The following ANKRD55 variants were observed in gnomAD, a reference collection of about 807,000 sequenced individuals.
ANKRD55 encodes ankyrin repeat domain-containing protein 55.
ANKRD55 carries 41 observed loss-of-function variants against 60.6 expected under a neutral mutation model. The ratio of observed to expected loss-of-function variants is 0.68; its 90% CI spans 0.53 to 0.88. The LOEUF is 0.88. Ranked by LOEUF, ANKRD55 falls within the 40% of genes least tolerant of loss-of-function variation. The pLI is 0.00. For missense variants in ANKRD55, 732 were observed against 767.6 expected (o/e 0.95, Z 0.55); for synonymous variants, 264 against 290.3 (o/e 0.91, Z 0.92).
rs150862469 is a variant in ANKRD55, at chr5:56,182,472, C to G, written c.181+1040G>C. On this transcript the variant is annotated intron_variant, in intron 3 of 11. Coordinates refer to ENST00000341048, the MANE Select transcript of ANKRD55 (RefSeq NM_024669.3). ...TCTTTTATTTCTTTGCTGAGACTTT[C>G]TATTTTTTTCTTTAGTTTTAAGCAT... Among the ~76,000 whole-genome samples, 640 of 152,130 alleles carry G rather than the reference C, an allele frequency of 4.2e-3. 20 individuals carry two copies. The highest frequency in any genetic ancestry group is 0.036 in the Admixed American group (549 of 15,278).
At chr5:56,176,683 A>C (rs540087550) in intron 3 of ANKRD55, among the ~76,000 whole-genome samples, 1 of 152,296 alleles carries the variant, frequency 6.6e-6, no homozygotes, top group South Asian at 2.1e-4. Flanking sequence ...AGGGGGTGGC[A>C]GGTGTTAAGG....
intron 2 of ANKRD55, among the ~76,000 whole-genome samples, chr5:56,227,927 T>A (rs1408124002): frequency 6.6e-6 from 1 of 152,040 alleles, no homozygotes; most frequent in Non-Finnish European, 1.5e-5. Context: ...CTGCACAGAG[T>A]CTGCACCAAA....
chr5:56,193,520 A>T, intron 2 of ANKRD55: 1 of 438,804 alleles, frequency 2.3e-6, no homozygotes. Flanking sequence ...CTCGTTTATC[A>T]TCTTCATCCA....
chr5:56,137,290 T>C lies in ANKRD55; in HGVS notation c.612+6511A>G, dbSNP rs149318994. 3.5e-5 allele frequency: 55 copies of C among 1,578,948 alleles called. No individual in the cohort carries two copies. In the African/African-American group the frequency reaches 4.1e-4, roughly 12 times the overall value. On this transcript the variant is annotated intron_variant, in intron 7 of 11. Coordinates refer to ENST00000341048, the MANE Select transcript of ANKRD55 (RefSeq NM_024669.3). ...AATGCAGAGAGTAATGCTGAACTTA[T>C]GGGTTTCGATGTAGATTATCTGGTC...
chr5:56,166,625 C>G (rs984919603), intron 5 of ANKRD55, among the ~76,000 whole-genome samples: 9 of 151,414 alleles, frequency 5.9e-5, no homozygotes, highest in African/African-American at 1.9e-4. Flanking sequence ...AGTGAAGAAA[C>G]AAGACAAAGA....
chr5:56,167,089 G>A (rs1301113062), intron 5 of ANKRD55, among the ~76,000 whole-genome samples: 1 of 152,174 alleles, frequency 6.6e-6, no homozygotes, highest in Non-Finnish European at 1.5e-5. Context: ...ATCCTTTAGG[G>A]TGGACTAGTT....
At chr5:56,232,643 C>T (rs1454184282) in intron 2 of ANKRD55, among the ~76,000 whole-genome samples, 2 of 152,002 alleles carry the variant, frequency 1.3e-5, no homozygotes, top group East Asian at 1.9e-4. Flanking sequence ...GTTTCAGATG[C>T]TTATCAAACT....
intron 8 of ANKRD55, among the ~76,000 whole-genome samples, chr5:56,121,913 G>C (rs1274101393): frequency 6.6e-6 from 1 of 152,152 alleles, no homozygotes; most frequent in African/African-American, 2.4e-5. Context: ...CATTTAAAGA[G>C]CACCTACTGT....
chr5:56,204,703 G>A (rs904401828), intron 2 of ANKRD55, among the ~76,000 whole-genome samples: 2 of 152,072 alleles, frequency 1.3e-5, no homozygotes, highest in Non-Finnish European at 2.9e-5. Context: ...TAGTTTTTTT[G>A]TAGCAGCATG....
intron 2 of ANKRD55, among the ~76,000 whole-genome samples, chr5:56,200,396 C>A (rs1435544573): frequency 2.0e-5 from 3 of 151,700 alleles, no homozygotes; most frequent in Non-Finnish European, 2.9e-5. Flanking sequence ...GCCTTAAGAT[C>A]ATTTCTTTCC....
chr5:56,144,009 G>A (rs1757837444), intron 6 of ANKRD55, 80 bp from the exon 7 acceptor site: 1 of 1,580,822 alleles, frequency 6.3e-7, no homozygotes, highest in African/African-American at 1.4e-5. Flanking sequence ...TTCTCCTCAG[G>A]CCTGGGGGCC....
At chr5:56,182,011 T>G (rs1466938522) in intron 3 of ANKRD55, among the ~76,000 whole-genome samples, 3 of 152,242 alleles carry the variant, frequency 2.0e-5, no homozygotes, top group Non-Finnish European at 4.4e-5. Flanking sequence ...TCTTTGGTTT[T>G]GATAGTGAAG....
chr5:56,107,961 C>A (rs1056899806), intron 10 of ANKRD55, among the ~76,000 whole-genome samples: 23 of 152,060 alleles, frequency 1.5e-4, no homozygotes, highest in African/African-American at 4.6e-4. Flanking sequence ...CCTCTGCCTC[C>A]CAGGCTCAAG....
At chr5:56,159,312 T>C (rs1758267329) in intron 6 of ANKRD55, among the ~76,000 whole-genome samples, 1 of 152,156 alleles carries the variant, frequency 6.6e-6, no homozygotes, top group African/African-American at 2.4e-5. Context: ...AAGTACAAAA[T>C]TAGCCGGGTG....
At position 56,111,254 on chromosome 5, in the gene ANKRD55, A is replaced by G; in HGVS notation, c.1494T>C (p.Ser498=). The G allele has an allele frequency of 6.2e-7, 1 of 1,613,866 alleles. No individual in the cohort carries two copies. The highest frequency in any genetic ancestry group is 8.5e-7 in the Non-Finnish European group (1 of 1,179,682). The change falls in exon 10 of 12, where the codon TCT becomes TCC. Residue 498 remains serine (S), a synonymous_variant. Transcript: ENST00000341048. ...MLLDNPWKSD[S]NQVFSYKVWT... ...AAACTTTGTAGGAAAATACCTGATT[A>G]GAATCACTCTTCCAGGGGTTATCTA...
intron 7 of ANKRD55, among the ~76,000 whole-genome samples, chr5:56,135,280 C>CTT (rs1757540224): frequency 6.2e-5 from 3 of 48,398 alleles, no homozygotes; most frequent in Non-Finnish European, 1.4e-4. Flanking sequence ...CCCTCCCTCC[C>CTT]TGCCTGCCTG....
Position 56,232,917 on chromosome 5 carries a change from C to T in ANKRD55, c.-4G>A. The T allele has an allele frequency of 1.2e-6, 2 of 1,613,980 alleles. No individual in the cohort carries two copies. Among genetic ancestry groups the T allele is most frequent in the East Asian group, 2.2e-5 (1 of 44,872 alleles). On this transcript the variant is annotated 5_prime_UTR_variant, in exon 2 of 12. Transcript: ENST00000341048. ...CCATGGTAGCCTGTCTCATCATTTACCATCAGAATGGCAAAAAGCATCCAG... is the reference window on the plus strand; with the variant it reads ...CCATGGTAGCCTGTCTCATCATTTATCATCAGAATGGCAAAAAGCATCCAG...
intron 8 of ANKRD55, among the ~76,000 whole-genome samples, chr5:56,121,798 T>C (rs1757072903): frequency 6.6e-6 from 1 of 152,236 alleles, no homozygotes; most frequent in Admixed American, 6.5e-5. Context: ...ATTGGTACTT[T>C]TGTGATACTG....
chr5:56,107,997 G>A (rs1180927955), intron 10 of ANKRD55, among the ~76,000 whole-genome samples: 1 of 151,738 alleles, frequency 6.6e-6, no homozygotes, highest in Non-Finnish European at 1.5e-5. Flanking sequence ...AGCCCCCCAA[G>A]TAGCTGAGAC....
Sources: allele counts gnomAD v4.1 joint callset (sites outside exome capture counted in the v4.1 genomes callset), GRCh38; gene constraint gnomAD v4.1.1; transcripts MANE v1.5; gene names NCBI Gene and HGNC (gene_info 2026-07-23, HGNC 2026-07-21).